Variants in PXDNL observed in about 807,000 individuals in gnomAD.
PXDNL encodes probable oxidoreductase PXDNL.
Under a neutral mutation model 150.8 loss-of-function variants are expected in PXDNL, and 145 were observed. That is an observed-to-expected ratio of 0.96 (90% CI 0.84 to 1.10). The LOEUF (loss-of-function observed/expected upper bound fraction) is 1.10, where lower values mean the gene tolerates loss of function less well. Ranked by LOEUF, PXDNL falls within the 50% of genes least tolerant of loss-of-function variation. PXDNL has a pLI of 0.00. For synonymous variants in PXDNL, 757 were observed against 725.7 expected, an observed-to-expected ratio of 1.04 and a Z score of -0.69; for missense variants, 2,087 against 1,873.9, an observed-to-expected ratio of 1.11 and a Z score of -2.10.
intron 4 of PXDNL, among the ~76,000 whole-genome samples, chr8:51,539,589 T>C (rs1371364246): frequency 1.3e-5 from 2 of 152,130 alleles, no homozygotes; most frequent in Non-Finnish European, 2.9e-5. Context: ...GAGTTTTGTT[T>C]TGTTTTGTTT....
At chr8:51,806,955 G>A (rs2037682784) in intron 1 of PXDNL, among the ~76,000 whole-genome samples, 2 of 152,064 alleles carry the variant, frequency 1.3e-5, no homozygotes, top group African/African-American at 4.8e-5. Context: ...GAGATATTTA[G>A]GTTTGTAATT....
chr8:51,338,353 ACCTGG>A (rs1805892877), intron 21 of PXDNL, among the ~76,000 whole-genome samples: 1 of 152,182 alleles, frequency 6.6e-6, no homozygotes, highest in Admixed American at 6.5e-5. Context: ...ACACCGCTCC[ACCTGG>A]GACTAGACGT....
intron 4 of PXDNL, among the ~76,000 whole-genome samples, chr8:51,520,494 A>G (rs1349307065): frequency 6.6e-6 from 1 of 152,024 alleles, no homozygotes; most frequent in Admixed American, 6.5e-5. Flanking sequence ...CCCGCCATGC[A>G]CCCAGAGGAC....
chr8:51,672,272 G>A (rs1295977073), intron 1 of PXDNL, among the ~76,000 whole-genome samples: 3 of 152,188 alleles, frequency 2.0e-5, no homozygotes, highest in Admixed American at 6.5e-5. Context: ...ATGAGCCACC[G>A]TGCCTGGCTT....
intron 12 of PXDNL, among the ~76,000 whole-genome samples, 166 bp from the exon 13 acceptor site, chr8:51,426,924 G>A (rs1210122205): frequency 1.3e-5 from 2 of 152,140 alleles, no homozygotes; most frequent in Non-Finnish European, 2.9e-5. Context: ...TCACACCCAG[G>A]CTGGCGGCAA....
chr8:51,357,055 G>T (rs1355329342), intron 19 of PXDNL, among the ~76,000 whole-genome samples: 1 of 152,000 alleles, frequency 6.6e-6, no homozygotes, highest in Non-Finnish European at 1.5e-5. Context: ...GACATAATTT[G>T]GACACTGTCA....
intron 17 of PXDNL, 76 bp downstream of exon 17, chr8:51,407,991 A>G: frequency 7.5e-7 from 1 of 1,327,910 alleles, no homozygotes; most frequent in Non-Finnish European, 1.0e-6. Flanking sequence ...ACCAAATTCC[A>G]GCCACACAAA....
intron 1 of PXDNL, among the ~76,000 whole-genome samples, chr8:51,680,394 T>C (rs1344978074): frequency 6.6e-6 from 1 of 152,198 alleles, no homozygotes; most frequent in African/African-American, 2.4e-5. Context: ...ATGAAGTTTA[T>C]ATCTAATAGT....
At chr8:51,326,233 C>T (rs1219055087) in intron 21 of PXDNL, among the ~76,000 whole-genome samples, 3 of 152,172 alleles carry the variant, frequency 2.0e-5, no homozygotes, top group African/African-American at 4.8e-5. Flanking sequence ...TGCGGTGGCT[C>T]ATGCCTGTAG....
At chr8:51,696,322 G>A (rs1387046463) in intron 1 of PXDNL, among the ~76,000 whole-genome samples, 1 of 152,234 alleles carries the variant, frequency 6.6e-6, no homozygotes, top group Non-Finnish European at 1.5e-5. Context: ...AGAAGAGGAA[G>A]AGGCCCAGAT....
At chr8:51,624,209 A>T (rs1585628796) in intron 2 of PXDNL, among the ~76,000 whole-genome samples, 1 of 152,038 alleles carries the variant, frequency 6.6e-6, no homozygotes, top group East Asian at 1.9e-4. Context: ...GACTCTGAAG[A>T]TCCACCTGAC....
chr8:51,453,611 T>G lies in PXDNL; in HGVS notation c.1157A>C (p.Gln386Pro). 3 of 1,614,070 alleles carry G rather than the reference T, an allele frequency of 1.9e-6. No homozygotes were observed. Among genetic ancestry groups the G allele is most frequent in the Non-Finnish European group, 2.5e-6 (3 of 1,179,894 alleles). ...ACCATGATCCCGTTGTGTGATGTTC[T>G]GTAAGTAAAGTCCACTGGACGTTGC... Reference protein sequence around the residue: ...HVATSSGLYLQNITQRDHGRF... With the variant: ...HVATSSGLYLPNITQRDHGRF... Residue 386 changes from glutamine to proline, a missense_variant, in exon 10 of 23, where the codon CAG (glutamine) becomes CCG (proline). Transcript: ENST00000356297.
chr8:51,391,708 A>G (rs1807915947), intron 17 of PXDNL, among the ~76,000 whole-genome samples: 1 of 152,030 alleles, frequency 6.6e-6, no homozygotes, highest in Non-Finnish European at 1.5e-5. Flanking sequence ...CTCTGATGGT[A>G]GTTTCTTTTG....
At chr8:51,510,064 C>T (rs1056820994) in intron 4 of PXDNL, among the ~76,000 whole-genome samples, 2 of 151,970 alleles carry the variant, frequency 1.3e-5, no homozygotes, top group African/African-American at 4.8e-5. Flanking sequence ...GCTGCAAGAT[C>T]AGAGATAATG....
intron 12 of PXDNL, among the ~76,000 whole-genome samples, chr8:51,427,092 C>T (rs936261624): frequency 6.6e-6 from 1 of 152,120 alleles, no homozygotes; most frequent in Non-Finnish European, 1.5e-5. Flanking sequence ...TAAAACTATA[C>T]GGTAACATCA....
chr8:51,690,059 G>T (rs934189615), intron 1 of PXDNL, among the ~76,000 whole-genome samples: 3 of 152,120 alleles, frequency 2.0e-5, no homozygotes, highest in Non-Finnish European at 4.4e-5. Context: ...ATAAAACCGA[G>T]CTTTTTATAT....
chr8:51,577,991 GAAAGAAAGAGGAAGGAAGGA>G (rs1563471140), intron 3 of PXDNL, among the ~76,000 whole-genome samples: 161 of 55,724 alleles, frequency 2.9e-3, no homozygotes, highest in African/African-American at 5.7e-3. Context: ...AAGAAAGAAA[GAAAGAAAGAGGAAGGAAGGA>G]AGGAAGGAAG....
At chr8:51,605,842 G>T (rs1260852173) in intron 2 of PXDNL, among the ~76,000 whole-genome samples, 1 of 152,004 alleles carries the variant, frequency 6.6e-6, no homozygotes, top group Non-Finnish European at 1.5e-5. Context: ...CACAGGAGTG[G>T]GTTCATTATC....
intron 4 of PXDNL, among the ~76,000 whole-genome samples, chr8:51,515,971 T>C (rs1251714135): frequency 6.6e-6 from 1 of 152,190 alleles, no homozygotes; most frequent in East Asian, 1.9e-4. Flanking sequence ...TCTAAGTAAC[T>C]TTATAAGCCT....
Sources: allele counts gnomAD v4.1 joint callset (sites outside exome capture counted in the v4.1 genomes callset), GRCh38; gene constraint gnomAD v4.1.1; transcripts MANE v1.5; gene names NCBI Gene and HGNC (gene_info 2026-07-23, HGNC 2026-07-21).